The following RPS6KC1 variants were observed in gnomAD, a reference collection of about 807,000 sequenced individuals.
The protein encoded by RPS6KC1 is ribosomal protein S6 kinase C1, also known as inactive ribosomal protein S6 kinase delta-1.
RPS6KC1 carries 54 observed loss-of-function variants against 103.8 expected under a neutral mutation model. The observed-to-expected ratio is 0.52, with a 90% CI of 0.42 to 0.65. The LOEUF (loss-of-function observed/expected upper bound fraction) is 0.65. RPS6KC1 is among the 30% of genes least tolerant of loss of function. The pLI is 0.00. For missense variants in RPS6KC1, 1,151 were observed against 1,253.8 expected (o/e 0.92, Z 1.24); for synonymous variants, 439 against 438.7 (o/e 1.00, Z -0.01).
intron 8 of RPS6KC1, among the ~76,000 whole-genome samples, chr1:213,178,741 A>G (rs2092061681): frequency 6.6e-6 from 1 of 151,684 alleles, no homozygotes; most frequent in African/African-American, 2.4e-5. Flanking sequence ...AATTGACAGA[A>G]TCTCATTCTG....
intron 6 of RPS6KC1, 75 bp downstream of exon 6, chr1:213,129,964 C>T (rs1210857120): frequency 2.6e-5 from 35 of 1,347,568 alleles, no homozygotes; most frequent in Non-Finnish European, 2.8e-5. Context: ...ATACATATAT[C>T]TTCTGTATAG....
At chr1:213,117,734 C>T (rs1262378844) in intron 5 of RPS6KC1, among the ~76,000 whole-genome samples, 2 of 151,424 alleles carry the variant, frequency 1.3e-5, no homozygotes, top group African/African-American at 4.9e-5. Context: ...GTAAGAAGGC[C>T]TTACTTGGCC....
chr1:213,675,642 TG>T, the RPS6KC1 span, among the ~76,000 whole-genome samples: 2 of 152,140 alleles, frequency 1.3e-5, no homozygotes, highest in Admixed American at 6.5e-5. Flanking sequence ...TTTGGGAGGC[TG>T]AGGCAGGAAG....
chr1:213,748,568 G>C, the RPS6KC1 span, among the ~76,000 whole-genome samples: 1 of 152,156 alleles, frequency 6.6e-6, no homozygotes, highest in African/African-American at 2.4e-5. Context: ...CCCAAATAGG[G>C]ATATGCCAAT....
chr1:213,515,877 C>G, the RPS6KC1 span, among the ~76,000 whole-genome samples: 1 of 152,086 alleles, frequency 6.6e-6, no homozygotes, highest in Non-Finnish European at 1.5e-5. Context: ...GAATGTTCTT[C>G]CATTTGTTTG....
chr1:213,097,705 T>C (rs1260614972), intron 3 of RPS6KC1, among the ~76,000 whole-genome samples: 1 of 152,256 alleles, frequency 6.6e-6, no homozygotes, highest in Non-Finnish European at 1.5e-5. Flanking sequence ...AAATCTGTTC[T>C]TTAGTGTAGC....
intron 8 of RPS6KC1, among the ~76,000 whole-genome samples, chr1:213,178,418 G>A (rs2092034505): frequency 6.6e-6 from 1 of 151,720 alleles, no homozygotes; most frequent in Non-Finnish European, 1.5e-5. Flanking sequence ...GCACACACCT[G>A]TAATCTCAGC....
At chr1:213,804,183 A>AAC in the RPS6KC1 span, among the ~76,000 whole-genome samples, 2 of 149,672 alleles carry the variant, frequency 1.3e-5, no homozygotes, top group Admixed American at 6.6e-5. Flanking sequence ...TAAAAAAAAA[A>AAC]AAAAAAAAAA....
chr1:213,544,885 A>T, the RPS6KC1 span, among the ~76,000 whole-genome samples: 1 of 152,184 alleles, frequency 6.6e-6, no homozygotes, highest in African/African-American at 2.4e-5. Flanking sequence ...AGAGCAGTGG[A>T]GCAAAGTCAG....
the RPS6KC1 span, among the ~76,000 whole-genome samples, chr1:213,770,711 C>T: frequency 6.6e-6 from 1 of 152,132 alleles, no homozygotes; most frequent in South Asian, 2.1e-4. Flanking sequence ...CTTCAGAGGC[C>T]AGCCTTTTTG....
At chr1:213,296,991 G>A in the RPS6KC1 span, among the ~76,000 whole-genome samples, 215 of 152,322 alleles carry the variant, frequency 1.4e-3, no homozygotes, top group African/African-American at 5.1e-3. Flanking sequence ...AAGCAGAGGA[G>A]GTTGTTGATT....
rs137932130 is a variant in RPS6KC1, at chr1:213,255,542, A to G, written c.2912-6016A>G. 8.8e-3 allele frequency among the ~76,000 whole-genome samples: 1,342 copies of G among 152,232 alleles called. 10 individuals are homozygous for G. The highest frequency in any genetic ancestry group is 0.031 in the African/African-American group (1,279 of 41,520). On this transcript the variant is annotated intron_variant, in intron 12 of 14. Coordinates refer to ENST00000366960, the MANE Select transcript of RPS6KC1 (RefSeq NM_012424.6). ...AACTATCGTGTTGCTTTATATATAA[A>G]TCAGTGTTGTTGGTTTATGCTTAGA...
the RPS6KC1 span, among the ~76,000 whole-genome samples, chr1:213,600,257 T>G: frequency 6.6e-6 from 1 of 152,140 alleles, no homozygotes. Context: ...TTTATAGCAA[T>G]CTGAAAACGG....
At chr1:213,605,258 A>G in the RPS6KC1 span, among the ~76,000 whole-genome samples, 3 of 152,208 alleles carry the variant, frequency 2.0e-5, no homozygotes, top group Non-Finnish European at 4.4e-5. Context: ...CTCTTACAAA[A>G]TGGACGGAAA....
the RPS6KC1 span, among the ~76,000 whole-genome samples, chr1:213,423,745 G>A: frequency 6.6e-6 from 1 of 151,912 alleles, no homozygotes; most frequent in African/African-American, 2.4e-5. Flanking sequence ...CTTTAAAGTG[G>A]GAGCCTTGGA....
At chr1:213,156,224 A>G (rs531264473) in intron 6 of RPS6KC1, among the ~76,000 whole-genome samples, 74 of 152,302 alleles carry the variant, frequency 4.9e-4, no homozygotes, top group African/African-American at 1.7e-3. Flanking sequence ...AATGAATGCA[A>G]AGGTTGTGAT....
chr1:213,679,204 G>A, the RPS6KC1 span, among the ~76,000 whole-genome samples: 2 of 152,162 alleles, frequency 1.3e-5, no homozygotes, highest in Non-Finnish European at 2.9e-5. Flanking sequence ...GCACTCGTTG[G>A]CAATGTGATC....
chr1:213,812,450 T>C, the RPS6KC1 span, among the ~76,000 whole-genome samples: 2 of 152,234 alleles, frequency 1.3e-5, no homozygotes, highest in Non-Finnish European at 2.9e-5. Context: ...AAAAATTGTT[T>C]TTAGGTGTCT....
the RPS6KC1 span, among the ~76,000 whole-genome samples, chr1:213,799,269 C>A: frequency 5.9e-5 from 9 of 152,140 alleles, no homozygotes; most frequent in African/African-American, 2.2e-4. Flanking sequence ...GGAAGGACAA[C>A]ACTGAGTTGG....
Sources: gnomAD v4.1 joint callset for allele counts (sites outside exome capture counted in the v4.1 genomes callset) on GRCh38, gnomAD v4.1.1 for gene constraint, MANE v1.5 for transcripts, NCBI Gene and HGNC (gene_info 2026-07-23, HGNC 2026-07-21) for gene names.